The following CLYBL variants were observed in gnomAD, a reference collection of about 807,000 sequenced individuals.
CLYBL encodes citramalyl-CoA lyase, mitochondrial.
Under a neutral mutation model 38.9 loss-of-function variants are expected in CLYBL, and 31 were observed. The observed-to-expected ratio is 0.80, with a 90% CI of 0.60 to 1.08. CLYBL has a LOEUF of 1.08. CLYBL is among the 50% of genes least tolerant of loss of function. The probability of loss-of-function intolerance (pLI) is 0.00; values close to 1 mark genes in which losing one functional copy is unlikely to be tolerated. For missense variants in CLYBL, 434 were observed against 411.6 expected (o/e 1.05, Z -0.47); for synonymous variants, 171 against 158.6 (o/e 1.08, Z -0.59).
intron 2 of CLYBL, among the ~76,000 whole-genome samples, chr13:99,813,121 C>A (rs1437636567): frequency 1.3e-5 from 2 of 152,006 alleles, no homozygotes; most frequent in African/African-American, 4.8e-5. Context: ...AAATGGTGAA[C>A]CATTTTTATT....
intron 1 of CLYBL, among the ~76,000 whole-genome samples, chr13:99,762,955 A>T (rs535068864): frequency 6.6e-6 from 1 of 152,078 alleles, no homozygotes; most frequent in African/African-American, 2.4e-5. Context: ...TGCTTTCTTG[A>T]TATCTTTTTC....
At chr13:99,868,088 T>TA (rs141339672) in intron 6 of CLYBL, among the ~76,000 whole-genome samples, 6,572 of 149,350 alleles carry the variant, frequency 0.044, 175 homozygotes, top group East Asian at 0.11. Context: ...ATTAAATCGC[T>TA]AAAAAAAAAG....
chr13:99,871,985 C>T (rs1484320690), intron 7 of CLYBL, among the ~76,000 whole-genome samples: 1 of 136,316 alleles, frequency 7.3e-6, no homozygotes, highest in Non-Finnish European at 1.5e-5. Flanking sequence ...AAACATTCCC[C>T]CCTGCAAAAA....
chr13:99,671,987 C>T (rs1178942904), intron 1 of CLYBL, among the ~76,000 whole-genome samples: 1 of 152,104 alleles, frequency 6.6e-6, no homozygotes, highest in Non-Finnish European at 1.5e-5. Context: ...TTTTGGGTGT[C>T]ACCTCTGAGG....
chr13:99,842,493 C>G (rs886282577), intron 2 of CLYBL, among the ~76,000 whole-genome samples: 2 of 152,152 alleles, frequency 1.3e-5, no homozygotes, highest in African/African-American at 4.8e-5. Context: ...AGGACTCTCT[C>G]CTGGTGCCAA....
Position 99,858,841 on chromosome 13 carries a change from CT to C in CLYBL, c.250-15del. 1 of 1,558,618 alleles carries C rather than the reference CT, an allele frequency of 6.4e-7. No individual in the cohort carries two copies. Among genetic ancestry groups the C allele is most frequent in the African/African-American group, 1.4e-5 (1 of 72,664 alleles). On this transcript the variant is annotated intron_variant, in intron 2 of 8. Coordinates refer to ENST00000339105, the MANE Select transcript of CLYBL (RefSeq NM_206808.5). Reference sequence around the variant, plus strand: ...CTCAATGATAAAAATAAACAATAAACTTTTTATTGACACTTACAGAATGAAG... The same window carrying C: ...CTCAATGATAAAAATAAACAATAAACTTTTATTGACACTTACAGAATGAAG...
chr13:99,637,164 G>A (rs2139254321), intron 1 of CLYBL, among the ~76,000 whole-genome samples: 1 of 152,316 alleles, frequency 6.6e-6, no homozygotes. Context: ...ATGAGCCACT[G>A]TGTCCAACCT....
intron 2 of CLYBL, among the ~76,000 whole-genome samples, chr13:99,819,414 ATTT>A (rs2050529238): frequency 1.3e-5 from 1 of 77,502 alleles, no homozygotes; most frequent in Non-Finnish European, 2.4e-5. Flanking sequence ...CTGGGAAAAA[ATTT>A]ATATATATAT....
intron 1 of CLYBL, among the ~76,000 whole-genome samples, chr13:99,651,125 T>A (rs2047247379): frequency 6.6e-6 from 1 of 152,242 alleles, no homozygotes; most frequent in Non-Finnish European, 1.5e-5. Flanking sequence ...GCAGACACCC[T>A]TCCTCTGCCT....
intron 1 of CLYBL, among the ~76,000 whole-genome samples, chr13:99,764,656 G>A (rs1446140734): frequency 6.6e-6 from 1 of 151,372 alleles, no homozygotes; most frequent in Non-Finnish European, 1.5e-5. Flanking sequence ...TCTAACCAAG[G>A]GCTTGTCAAT....
Position 99,830,457 on chromosome 13 carries a change from A to G in CLYBL, c.250-28404A>G, listed in dbSNP as rs1258369270. Reference sequence around the variant, plus strand: ...GTGGCACCTAGAGCCAGCCAAGGACATAAAGATGGACTTGGAGACACTGGA... The same window carrying G: ...GTGGCACCTAGAGCCAGCCAAGGACGTAAAGATGGACTTGGAGACACTGGA... On this transcript the variant is annotated intron_variant, in intron 2 of 8. Transcript: ENST00000339105. Among the ~76,000 whole-genome samples, 4 of 152,314 alleles carry G rather than the reference A, an allele frequency of 2.6e-5. No individual in the cohort carries two copies. In the East Asian group the frequency reaches 7.7e-4, roughly 29 times the overall value.
chr13:99,835,176 ATC>A (rs1422560467), intron 2 of CLYBL, among the ~76,000 whole-genome samples: 1 of 152,216 alleles, frequency 6.6e-6, no homozygotes, highest in Admixed American at 6.5e-5. Flanking sequence ...CGGCTGATTC[ATC>A]TCTGCTTTTG....
intron 7 of CLYBL, among the ~76,000 whole-genome samples, chr13:99,879,907 A>G (rs190147411): frequency 0.012 from 1,807 of 152,150 alleles, 16 homozygotes; most frequent in South Asian, 0.022. Flanking sequence ...GGGGCTGGTA[A>G]TAATAACCAG....
At chr13:99,766,291 A>G (rs950484256) in intron 1 of CLYBL, among the ~76,000 whole-genome samples, 2 of 152,076 alleles carry the variant, frequency 1.3e-5, no homozygotes, top group African/African-American at 4.8e-5. Flanking sequence ...TGCTTGATCC[A>G]TTCTTCTTTG....
chr13:99,851,039 T>C (rs1457359386), intron 2 of CLYBL, among the ~76,000 whole-genome samples: 1 of 152,146 alleles, frequency 6.6e-6, no homozygotes, highest in Non-Finnish European at 1.5e-5. Flanking sequence ...AGGGAGTTGA[T>C]GCTTAATGGT....
intron 2 of CLYBL, among the ~76,000 whole-genome samples, chr13:99,783,519 C>A (rs979520975): frequency 6.7e-6 from 1 of 149,986 alleles, no homozygotes; most frequent in African/African-American, 2.5e-5. Context: ...TGCAGTGGTG[C>A]GATCTCAGCT....
chr13:99,667,091 A>G (rs928159494), intron 1 of CLYBL, among the ~76,000 whole-genome samples: 5 of 152,142 alleles, frequency 3.3e-5, no homozygotes, highest in African/African-American at 1.2e-4. Flanking sequence ...ACATAGACCC[A>G]AAAGTGAGCA....
At chr13:99,779,538 A>C (rs1034415878) in intron 2 of CLYBL, among the ~76,000 whole-genome samples, 5 of 152,372 alleles carry the variant, frequency 3.3e-5, no homozygotes, top group Admixed American at 3.3e-4. Flanking sequence ...GAACCAGTTT[A>C]GTTATCCAAT....
At chr13:99,877,573 T>TA in intron 7 of CLYBL, 2 of 116,780 alleles carry the variant, frequency 1.7e-5, no homozygotes, top group South Asian at 2.0e-4. Context: ...TTGTAATTCT[T>TA]TTTTTTTTTT....
Sources: gnomAD v4.1 joint callset for allele counts (sites outside exome capture counted in the v4.1 genomes callset) on GRCh38, gnomAD v4.1.1 for gene constraint, MANE v1.5 for transcripts, NCBI Gene and HGNC (gene_info 2026-07-23, HGNC 2026-07-21) for gene names.